Variants in CPNE7 observed in about 807,000 individuals in gnomAD.
CPNE7 encodes the protein copine 7.
Under a neutral mutation model 66.5 loss-of-function variants are expected in CPNE7, and 78 were observed. That is an observed-to-expected ratio of 1.17 (90% CI 0.98 to 1.42). The LOEUF is 1.42. CPNE7 is among the 40% of genes most tolerant of loss of function. The pLI is 0.00. For missense variants in CPNE7, 1,012 were observed against 776.6 expected (o/e 1.30, Z -3.60); for synonymous variants, 468 against 336.7 (o/e 1.39, Z -4.27).
In CPNE7 at chr16:89,591,265, G is replaced by C; in HGVS notation, c.1302+5G>C. 2 of 1,567,944 alleles carry C rather than the reference G, an allele frequency of 1.3e-6. No individual in the cohort carries two copies. The highest frequency in any genetic ancestry group is 1.7e-6 in the Non-Finnish European group (2 of 1,157,404). On this transcript the variant is annotated splice_donor_5th_base_variant and intron_variant, in intron 13 of 14. Transcript: ENST00000319518. ...GAGAGCACCGGGAAAGCCTCTGTAG[G>C]TGCCCGGGGGGTGTGGTGCATGCTT...
At chr16:89,578,905 G>A (rs1304736173) in intron 2 of CPNE7, 1 of 1,613,684 alleles carries the variant, frequency 6.2e-7, no homozygotes, top group East Asian at 2.2e-5. Context: ...GTCTGTTGAT[G>A]TGCTGGGCCC....
At chr16:89,596,065 A>G in intron 14 of CPNE7, 1 of 446,900 alleles carries the variant, frequency 2.2e-6, no homozygotes, top group Non-Finnish European at 4.3e-6. Flanking sequence ...CATGCCACAT[A>G]GATGTGAAGT....
At chr16:89,589,174 C>T (rs532667418) in intron 10 of CPNE7, among the ~76,000 whole-genome samples, 8 of 152,322 alleles carry the variant, frequency 5.3e-5, no homozygotes, top group Admixed American at 3.3e-4. Context: ...TGCCTGTAAT[C>T]CCAGCTACTC....
chr16:89,594,083 G>C (rs1459529987), intron 13 of CPNE7: 2 of 152,200 alleles, frequency 1.3e-5, no homozygotes, highest in African/African-American at 4.8e-5. Flanking sequence ...GGGTTGAAAC[G>C]AGGACTCAGA....
chr16:89,596,629 G>A lies in CPNE7; in HGVS notation c.*8G>A, dbSNP rs1287929782. On this transcript the variant is annotated 3_prime_UTR_variant, in exon 15 of 15. Transcript: ENST00000319518. ...CCAGGCTGCACACCGTGAAGATGTG[G>A]AGGGCGTAGGGTGGGGGCAGTGAGG... is the stretch of plus-strand genomic sequence containing the variant. 1 of 1,593,758 alleles carries A rather than the reference G, an allele frequency of 6.3e-7. No individual in the cohort carries two copies. Among genetic ancestry groups the A allele is most frequent in the Non-Finnish European group, 8.5e-7 (1 of 1,175,146 alleles).
intron 2 of CPNE7, among the ~76,000 whole-genome samples, chr16:89,582,269 T>C (rs2058967685): frequency 3.9e-5 from 6 of 152,222 alleles, no homozygotes; most frequent in Admixed American, 3.9e-4. Context: ...TGTTTCCTCA[T>C]GTGATTCAAG....
Position 89,585,749 on chromosome 16 carries a change from C to T in CPNE7, c.744C>T (p.Thr248=), listed in dbSNP as rs938846011. ...ACTTCATCGGAGAATTCTCTACCACCTTCGAGGAGATGCAGAAGGCCTTTG... is the reference window on the plus strand; with the variant it reads ...ACTTCATCGGAGAATTCTCTACCACTTTCGAGGAGATGCAGAAGGCCTTTG... The part of the protein sequence containing the change: ...KHDFIGEFST[T]FEEMQKAFEE... Residue 248 remains threonine (T), a synonymous_variant, in exon 7 of 15, where the codon ACC becomes ACT. Transcript: ENST00000319518. 15 of 1,496,398 alleles carry T rather than the reference C, an allele frequency of 1.0e-5. No homozygotes were observed. The African/African-American group carries it at 1.6e-4, about 16-fold the overall frequency. 92.7% of individuals were successfully genotyped at this position (1,496,398 alleles called of 1,614,324 possible). A position where few individuals can be genotyped will look rare whatever the true frequency, so the allele number is the denominator to read the frequency against.
chr16:89,586,571 G>A (rs2059042793), intron 7 of CPNE7, 99 bp from the exon 8 acceptor site: 7 of 922,998 alleles, frequency 7.6e-6, no homozygotes, highest in Non-Finnish European at 1.0e-5. Flanking sequence ...CCACCACGGG[G>A]CCCTCTGCCG....
chr16:89,588,550 C>G, intron 9 of CPNE7, 125 bp from the exon 10 acceptor site: 1 of 1,209,322 alleles, frequency 8.3e-7, no homozygotes, highest in South Asian at 1.4e-5. Flanking sequence ...AGCCCCCCAG[C>G]CCTACCCACC....
chr16:89,594,181 C>T (rs968367535), intron 13 of CPNE7: 4 of 136,116 alleles, frequency 2.9e-5, no homozygotes, highest in East Asian at 4.5e-4. Flanking sequence ...GCCTGGTGCT[C>T]GCACAGTTGG....
chr16:89,583,389 G>C lies in CPNE7; in HGVS notation c.358-308G>C, dbSNP rs1481072898. 4.0e-6 allele frequency: 6 copies of C among 1,506,096 alleles called. No individual in the cohort carries two copies. The African/African-American group carries it at 5.5e-5, about 14-fold the overall frequency. 93.3% of individuals were successfully genotyped at this position (1,506,096 alleles called of 1,614,324 possible). On this transcript the variant is annotated intron_variant, in intron 2 of 14. Coordinates refer to ENST00000319518, the MANE Select transcript of CPNE7 (RefSeq NM_153636.3). ...ACCTGTGCAGGTGCAGGCCAGCTGG[G>C]CTGTGAGCTGCTTCCTGGCTTCCAC...
chr16:89,581,126 A>AGAATATCTCACCCATCACATG (rs2058951138), intron 2 of CPNE7, among the ~76,000 whole-genome samples: 1 of 143,894 alleles, frequency 6.9e-6, no homozygotes, highest in East Asian at 2.2e-4. Flanking sequence ...CCAATCACAC[A>AGAATATCTCACCCATCACATG]GAACATCTCA....
In CPNE7 at chr16:89,577,789, A is replaced by T. The variant is rs1472442176; in HGVS notation, c.357+68A>T. On this transcript the variant is annotated intron_variant, in intron 2 of 14. Coordinates refer to ENST00000319518, the MANE Select transcript of CPNE7 (RefSeq NM_153636.3). ...GGGGGCCACAGCCGATTCAAGGCTG[A>T]TGTACCAGCACCGCAGGGACCCTGC... The T allele has an allele frequency of 4.0e-6, 6 of 1,494,302 alleles. No homozygotes were observed. The Admixed American group carries it at 8.0e-5, about 20-fold the overall frequency. 92.6% of individuals were successfully genotyped at this position (1,494,302 alleles called of 1,614,324 possible).
chr16:89,594,799 C>T (rs1023949088), intron 13 of CPNE7, among the ~76,000 whole-genome samples: 2 of 151,692 alleles, frequency 1.3e-5, no homozygotes, highest in African/African-American at 4.8e-5. Flanking sequence ...TTACAGGCGC[C>T]CACCACCACG....
chr16:89,595,295 G>A (rs2059235713), intron 13 of CPNE7, 72 bp from the exon 14 acceptor site: 2 of 1,303,316 alleles, frequency 1.5e-6, no homozygotes, highest in Non-Finnish European at 2.1e-6. Context: ...GCTGTCTGGG[G>A]GCCCGTGGGT....
intron 2 of CPNE7, among the ~76,000 whole-genome samples, chr16:89,579,672 T>C (rs1365490100): frequency 2.2e-5 from 3 of 138,200 alleles, no homozygotes; most frequent in African/African-American, 6.1e-5. Context: ...CCTTCACCCA[T>C]CACATGGAAC....
At chr16:89,593,257 G>A (rs1177717465) in intron 13 of CPNE7, among the ~76,000 whole-genome samples, 3 of 152,002 alleles carry the variant, frequency 2.0e-5, no homozygotes, top group African/African-American at 7.3e-5. Context: ...AGATAGTATC[G>A]TGATAAAGAC....
intron 10 of CPNE7, among the ~76,000 whole-genome samples, chr16:89,589,650 C>G (rs1011960576): frequency 6.6e-6 from 1 of 152,160 alleles, no homozygotes; most frequent in African/African-American, 2.4e-5. Context: ...TGCAGGGGGA[C>G]AGCATGTACA....
At chr16:89,587,700 C>CG (rs1340554826) in intron 9 of CPNE7, 1 of 353,872 alleles carries the variant, frequency 2.8e-6, no homozygotes, top group Non-Finnish European at 5.9e-6. Context: ...TACGCACACC[C>CG]CGTGTCACCC....
Sources: gnomAD v4.1 joint callset for allele counts (sites outside exome capture counted in the v4.1 genomes callset) on GRCh38, gnomAD v4.1.1 for gene constraint, MANE v1.5 for transcripts, NCBI Gene and HGNC (gene_info 2026-07-23, HGNC 2026-07-21) for gene names.